Variants in TCERG1L observed in about 807,000 individuals in gnomAD.
TCERG1L encodes the protein transcription elongation regulator 1 like.
A neutral mutation model predicts 56.3 loss-of-function variants in TCERG1L; 37 were observed. The ratio of observed to expected loss-of-function variants is 0.66; its 90% CI spans 0.51 to 0.87. The LOEUF (loss-of-function observed/expected upper bound fraction) is 0.87, where lower values mean the gene tolerates loss of function less well. Ranked by LOEUF, TCERG1L falls within the 40% of genes least tolerant of loss-of-function variation. The pLI is 0.00. For missense variants in TCERG1L, 799 were observed against 774.2 expected, an observed-to-expected ratio of 1.03 and a Z score of -0.38; for synonymous variants, 324 against 326.3, an observed-to-expected ratio of 0.99 and a Z score of 0.08.
rs1235482048 is a variant in TCERG1L, at chr10:131,118,149, T to G, written c.1260-1215A>C. Among the ~76,000 whole-genome samples, 3 of 152,186 alleles carry G rather than the reference T, an allele frequency of 2.0e-5. No individual in the cohort carries two copies. Among genetic ancestry groups the G allele is most frequent in the Non-Finnish European group, 4.4e-5 (3 of 68,022 alleles). The stretch of plus-strand genomic sequence containing the variant: ...TCAGACCACCCATTTGAGAGCTCCC[T>G]TATTTTCAGCTGCACTTAGGTCAAC... On this transcript the variant is annotated intron_variant, in intron 8 of 11. Transcript: ENST00000368642. This position sits in a 1 kb window ranked among gnomAD's most constrained non-coding sequence, Gnocchi z 4.2.
In TCERG1L at chr10:131,309,193, A is replaced by G; in HGVS notation, c.449T>C (p.Ile150Thr). Reference sequence around the variant, plus strand: ...CCTTTTGTCTATCCAACTTTTCCCAATAGGGGTTGCAAGAGCAGAAGGGCA... The same window carrying G: ...CCTTTTGTCTATCCAACTTTTCCCAGTAGGGGTTGCAAGAGCAGAAGGGCA... Reference protein sequence around the residue: ...HLCPSALATPIGKSWIDKRIP... With the variant: ...HLCPSALATPTGKSWIDKRIP... The change falls in exon 2 of 12, where the codon ATT becomes ACT. Residue 150 changes from isoleucine (I) to threonine (T), a missense_variant. Physicochemically the swap from Ile to Thr is moderately conservative, Grantham distance 89. Transcript: ENST00000368642. 1 of 1,610,906 alleles carries G rather than the reference A, an allele frequency of 6.2e-7. No homozygotes were observed. The highest frequency in any genetic ancestry group is 8.5e-7 in the Non-Finnish European group (1 of 1,178,838).
intron 3 of TCERG1L, among the ~76,000 whole-genome samples, chr10:131,297,530 T>C (rs1846711873): frequency 6.6e-6 from 1 of 152,222 alleles, no homozygotes; most frequent in Admixed American, 6.5e-5. Context: ...ATTGGTCTGC[T>C]ATTTTCTCTC....
chr10:131,286,332 A>C (rs1246751808), intron 3 of TCERG1L, among the ~76,000 whole-genome samples: 1 of 152,228 alleles, frequency 6.6e-6, no homozygotes, highest in Non-Finnish European at 1.5e-5. Flanking sequence ...CTGGATTTTT[A>C]AAATTTATTA....
intron 3 of TCERG1L, among the ~76,000 whole-genome samples, chr10:131,276,737 C>T (rs1846397629): frequency 6.6e-6 from 1 of 152,202 alleles, no homozygotes; most frequent in Non-Finnish European, 1.5e-5. Context: ...AGGGTGGGTT[C>T]TGTTCCTGAA....
chr10:131,255,073 C>T (rs1460811446), intron 4 of TCERG1L, among the ~76,000 whole-genome samples: 1 of 152,126 alleles, frequency 6.6e-6, no homozygotes. Context: ...TGCAGAGATG[C>T]CCCGGGCAGA....
intron 4 of TCERG1L, among the ~76,000 whole-genome samples, chr10:131,244,744 A>G (rs72841353): frequency 0.058 from 8,776 of 152,200 alleles, 338 homozygotes; most frequent in Middle Eastern, 0.14. Context: ...CCCAGGCTGA[A>G]AGAGTTTTAC....
At position 131,092,987 on chromosome 10, in the gene TCERG1L, G is replaced by A. The variant is rs1036261581; in HGVS notation, c.*175C>T. The A allele has an allele frequency of 5.4e-5, 32 of 588,594 alleles. No homozygotes were observed. The East Asian group carries it at 9.3e-4, about 17-fold the overall frequency. The allele number at this position is 588,594 out of a possible 1,614,324, so 36.5% of individuals were successfully genotyped here. Reference sequence around the variant, plus strand: ...TGCATCAAACTCTGAATGTACAAAAGAGAGAGCTTCAATATGAAACAGTAA... The same window carrying A: ...TGCATCAAACTCTGAATGTACAAAAAAGAGAGCTTCAATATGAAACAGTAA... On this transcript the variant is annotated 3_prime_UTR_variant, in exon 12 of 12. Coordinates refer to ENST00000368642, the MANE Select transcript of TCERG1L (RefSeq NM_174937.4).
chr10:131,299,279 T>C (rs1357940529), intron 3 of TCERG1L, among the ~76,000 whole-genome samples: 1 of 152,146 alleles, frequency 6.6e-6, no homozygotes, highest in Non-Finnish European at 1.5e-5. Flanking sequence ...AACTTCTGTC[T>C]ATTCATTAGG....
At position 131,196,888 on chromosome 10, in the gene TCERG1L, A is replaced by G. The variant is rs117557079; in HGVS notation, c.857-30003T>C. Among the ~76,000 whole-genome samples the G allele has an allele frequency of 7.8e-3, 1,192 of 152,342 alleles. 32 individuals are homozygous for G. The South Asian group carries it at 0.097, about 12-fold the overall frequency. ...TGATCTCAGCTCTACTAAGAGAAGAAGGAGAATCAGAGAATGGGGTACTTA... is the reference window on the plus strand; with the variant it reads ...TGATCTCAGCTCTACTAAGAGAAGAGGGAGAATCAGAGAATGGGGTACTTA... On this transcript the variant is annotated intron_variant, in intron 4 of 11. Transcript: ENST00000368642.
At chr10:131,217,098 C>T (rs564792801) in intron 4 of TCERG1L, among the ~76,000 whole-genome samples, 70 of 152,278 alleles carry the variant, frequency 4.6e-4, no homozygotes, top group Non-Finnish European at 8.4e-4. Context: ...ATCTTGTCCC[C>T]ACCCAAATCT....
intron 6 of TCERG1L, among the ~76,000 whole-genome samples, chr10:131,159,115 G>A (rs540856991): frequency 9.8e-5 from 15 of 152,362 alleles, no homozygotes; most frequent in African/African-American, 3.1e-4. Context: ...TCTCACTCAC[G>A]GTTGGGGGCC....
At chr10:131,229,468 C>G (rs1388364327) in intron 4 of TCERG1L, among the ~76,000 whole-genome samples, 1 of 152,164 alleles carries the variant, frequency 6.6e-6, no homozygotes, top group African/African-American at 2.4e-5. Flanking sequence ...CCGAAATGCC[C>G]CTGGAACACT....
At chr10:131,264,753 G>C (rs987821107) in intron 3 of TCERG1L, among the ~76,000 whole-genome samples, 6 of 152,216 alleles carry the variant, frequency 3.9e-5, no homozygotes, top group African/African-American at 1.2e-4. Flanking sequence ...CCGTGTTGGC[G>C]GGGGAGGGCA....
intron 9 of TCERG1L, among the ~76,000 whole-genome samples, chr10:131,115,499 A>G (rs1845449226): frequency 6.6e-6 from 1 of 152,162 alleles, no homozygotes; most frequent in African/African-American, 2.4e-5. Context: ...ACATCGCGCC[A>G]GGGCCGGATC....
intron 4 of TCERG1L, among the ~76,000 whole-genome samples, chr10:131,211,339 G>A (rs758543941): frequency 8.5e-5 from 13 of 152,230 alleles, no homozygotes; most frequent in African/African-American, 1.9e-4. Flanking sequence ...GGTGAGCTGC[G>A]GCCAGGGCTG....
chr10:131,215,950 C>T (rs1202417953), intron 4 of TCERG1L, among the ~76,000 whole-genome samples: 2 of 152,168 alleles, frequency 1.3e-5, no homozygotes, highest in East Asian at 1.9e-4. Flanking sequence ...AACTCACCCA[C>T]GAACGCGCAC....
At chr10:131,104,403 C>T (rs1845331064) in intron 9 of TCERG1L, 49 bp from the exon 10 acceptor site, 1 of 1,254,412 alleles carries the variant, frequency 8.0e-7, no homozygotes, top group Admixed American at 2.0e-5. Flanking sequence ...AATGCTAAGC[C>T]TGAAGCCGCC....
At chr10:131,183,978 A>G (rs1268064153) in intron 4 of TCERG1L, among the ~76,000 whole-genome samples, 2 of 152,200 alleles carry the variant, frequency 1.3e-5, no homozygotes, top group African/African-American at 4.8e-5. Flanking sequence ...CTCAGTGACC[A>G]GCCCTTGTTT....
intron 4 of TCERG1L, among the ~76,000 whole-genome samples, chr10:131,231,917 C>T (rs149498916): frequency 3.5e-4 from 54 of 152,232 alleles, no homozygotes; most frequent in African/African-American, 1.1e-3. Context: ...TCCTGCTGAG[C>T]GGGGGCTGAT....
Sources: gnomAD v4.1 joint callset for allele counts (sites outside exome capture counted in the v4.1 genomes callset) on GRCh38, gnomAD v4.1.1 for gene constraint, Gnocchi (gnomAD v3.1) non-coding constraint, MANE v1.5 for transcripts, NCBI Gene and HGNC (gene_info 2026-07-23, HGNC 2026-07-21) for gene names.